ZNF704: variants seen among roughly 807,000 people sequenced by gnomAD.
ZNF704 encodes glucocorticoid induced gene 1.
Under a neutral mutation model 44.7 loss-of-function variants are expected in ZNF704, and 10 were observed. The ratio of observed to expected loss-of-function variants is 0.22; its 90% CI spans 0.14 to 0.38. The LOEUF (loss-of-function observed/expected upper bound fraction) is 0.38. ZNF704 is among the 10% of genes least tolerant of loss of function. The pLI is 1.00. For missense variants in ZNF704, 390 were observed against 545.5 expected, an observed-to-expected ratio of 0.71 and a Z score of 2.84; for synonymous variants, 211 against 207.6, an observed-to-expected ratio of 1.02 and a Z score of -0.14.
intron 7 of ZNF704, among the ~76,000 whole-genome samples, chr8:80,651,694 T>TTA (rs1190097190): frequency 6.6e-6 from 1 of 152,150 alleles, no homozygotes. Context: ...ACAAAGAGAC[T>TTA]TAGACTCCCA....
chr8:80,658,802 G>A (rs1356521278), intron 7 of ZNF704: 2 of 152,190 alleles, frequency 1.3e-5, no homozygotes, highest in East Asian at 3.8e-4. Flanking sequence ...AGATGCCAGT[G>A]GTTGACAATA....
chr8:80,649,621 C>G (rs1817883804), intron 7 of ZNF704, among the ~76,000 whole-genome samples: 1 of 152,178 alleles, frequency 6.6e-6, no homozygotes, highest in Admixed American at 6.5e-5. Context: ...TGGGGAGGGG[C>G]ACCCGCCATT....
intron 1 of ZNF704, among the ~76,000 whole-genome samples, chr8:80,861,945 G>C (rs1809068431): frequency 7.5e-6 from 1 of 133,886 alleles, no homozygotes; most frequent in South Asian, 2.6e-4. Flanking sequence ...GTTTACTAAA[G>C]TTCAATAAAA....
chr8:80,862,954 C>T (rs1809093439), intron 1 of ZNF704, among the ~76,000 whole-genome samples: 1 of 151,330 alleles, frequency 6.6e-6, no homozygotes, highest in Non-Finnish European at 1.5e-5. Flanking sequence ...CCTTCAAATG[C>T]CCCCCCTTTC....
intron 2 of ZNF704, among the ~76,000 whole-genome samples, chr8:80,802,264 G>A (rs1043082652): frequency 3.4e-5 from 5 of 146,496 alleles, no homozygotes; most frequent in Non-Finnish European, 7.4e-5. Flanking sequence ...GTACAAAGAA[G>A]AGCTGGTACT....
intron 1 of ZNF704, among the ~76,000 whole-genome samples, chr8:80,848,243 G>A (rs888089367): frequency 2.0e-5 from 3 of 152,314 alleles, no homozygotes; most frequent in South Asian, 2.1e-4. Flanking sequence ...GAACGGCGGA[G>A]AGGCAAGGAG....
intron 5 of ZNF704, among the ~76,000 whole-genome samples, chr8:80,670,022 A>G (rs1242813248): frequency 1.3e-5 from 2 of 152,228 alleles, no homozygotes; most frequent in Non-Finnish European, 2.9e-5. Context: ...TAGGCTATAT[A>G]TGCTTGTGAG....
intron 2 of ZNF704, among the ~76,000 whole-genome samples, chr8:80,724,731 T>C (rs1217897996): frequency 6.6e-6 from 1 of 152,164 alleles, no homozygotes; most frequent in African/African-American, 2.4e-5. Flanking sequence ...AAAATCCTTC[T>C]CCATTCTGAT....
chr8:80,740,307 G>A (rs1217946374), intron 2 of ZNF704, among the ~76,000 whole-genome samples: 1 of 152,160 alleles, frequency 6.6e-6, no homozygotes, highest in Admixed American at 6.5e-5. Context: ...GCTTGAGGAA[G>A]GAATTAATCC....
chr8:80,717,041 T>C (rs1819082337), intron 2 of ZNF704, among the ~76,000 whole-genome samples: 1 of 152,246 alleles, frequency 6.6e-6, no homozygotes, highest in African/African-American at 2.4e-5. Context: ...AGGCACTCTA[T>C]ACTCTTTAAA....
chr8:80,656,396 A>G (rs1010657315), intron 7 of ZNF704, among the ~76,000 whole-genome samples: 1 of 152,224 alleles, frequency 6.6e-6, no homozygotes, highest in Non-Finnish European at 1.5e-5. Context: ...TAAAGGGGCC[A>G]ACGGCTCTTA....
At chr8:80,789,477 T>C (rs1053756314) in intron 2 of ZNF704, among the ~76,000 whole-genome samples, 4 of 152,184 alleles carry the variant, frequency 2.6e-5, no homozygotes, top group South Asian at 2.1e-4. Context: ...CTGGGTGTGG[T>C]GGCTCATGTC....
chr8:80,744,722 A>G (rs550067672), intron 2 of ZNF704, among the ~76,000 whole-genome samples: 15 of 152,324 alleles, frequency 9.8e-5, no homozygotes, highest in African/African-American at 3.6e-4. Flanking sequence ...AATGTGCTTA[A>G]CTAATGGACC....
intron 8 of ZNF704, 21 bp downstream of exon 8, chr8:80,643,014 G>T: frequency 6.6e-7 from 1 of 1,523,576 alleles, no homozygotes; most frequent in African/African-American, 1.4e-5. Context: ...GAGGTGTGTG[G>T]AGTTTTTTAA....
chr8:80,869,541 T>C (rs1331438309), intron 1 of ZNF704, among the ~76,000 whole-genome samples: 1 of 152,196 alleles, frequency 6.6e-6, no homozygotes, highest in Non-Finnish European at 1.5e-5. Context: ...TGGAGGAAGG[T>C]TCCCAAAGGC....
chr8:80,702,971 C>G (rs151145008), intron 2 of ZNF704, among the ~76,000 whole-genome samples: 3 of 152,054 alleles, frequency 2.0e-5, no homozygotes, highest in Non-Finnish European at 2.9e-5. Context: ...GTGGAAGAAG[C>G]CTTCAAGCAG....
intron 1 of ZNF704, among the ~76,000 whole-genome samples, chr8:80,865,231 G>T (rs964600762): frequency 3.3e-5 from 5 of 152,040 alleles, no homozygotes; most frequent in Admixed American, 1.3e-4. Flanking sequence ...ATTTCAGGAG[G>T]TCTCTGGGCC....
chr8:80,802,051 A>C (rs1342679408), intron 2 of ZNF704, among the ~76,000 whole-genome samples: 1 of 152,128 alleles, frequency 6.6e-6, no homozygotes, highest in East Asian at 1.9e-4. Flanking sequence ...AAACACCTCT[A>C]TGCACATAAA....
At chr8:80,824,127 C>G (rs966450713) in intron 1 of ZNF704, among the ~76,000 whole-genome samples, 3 of 152,118 alleles carry the variant, frequency 2.0e-5, no homozygotes, top group Non-Finnish European at 4.4e-5. Context: ...ACAAACTTCT[C>G]CGAGCTAAAG....
Sources: gnomAD v4.1 joint callset for allele counts (sites outside exome capture counted in the v4.1 genomes callset) on GRCh38, gnomAD v4.1.1 for gene constraint, MANE v1.5 for transcripts, NCBI Gene and HGNC (gene_info 2026-07-23, HGNC 2026-07-21) for gene names.